LIPA: variants seen among roughly 807,000 people sequenced by gnomAD.
The protein encoded by LIPA is lysosomal acid lipase/cholesteryl ester hydrolase.
LIPA carries 26 observed loss-of-function variants against 40.6 expected under a neutral mutation model. That is an observed-to-expected ratio of 0.64 (90% confidence interval 0.47 to 0.89). LIPA has a LOEUF of 0.89. LIPA is among the 40% of genes least tolerant of loss of function. LIPA has a pLI of 0.00. For missense variants in LIPA, 455 were observed against 479.6 expected, an observed-to-expected ratio of 0.95 and a Z score of 0.48; for synonymous variants, 188 against 168.4, an observed-to-expected ratio of 1.12 and a Z score of -0.90.
intron 2 of LIPA, among the ~76,000 whole-genome samples, chr10:89,392,030 C>T (rs917337217): frequency 1.3e-5 from 2 of 152,104 alleles, no homozygotes; most frequent in Admixed American, 6.5e-5. Flanking sequence ...AACCATACCT[C>T]CTTGCTTTTA....
chr10:89,402,751 G>C (rs139017158), intron 2 of LIPA: 2 of 1,614,078 alleles, frequency 1.2e-6, no homozygotes, highest in Non-Finnish European at 1.7e-6. Context: ...AATTATGAAC[G>C]GGCCAAGGCC....
At chr10:89,267,650 A>G (rs2133490557) in intron 1 of LIPA, among the ~76,000 whole-genome samples, 1 of 149,886 alleles carries the variant, frequency 6.7e-6, no homozygotes, top group East Asian at 2.0e-4. Context: ...TAGTGGGTGC[A>G]GCGCACCAGC....
At chr10:89,347,687 A>G (rs1203939713), upstream of LIPA, among the ~76,000 whole-genome samples, 1 of 152,214 alleles carries the variant, frequency 6.6e-6, no homozygotes, top group Non-Finnish European at 1.5e-5. Flanking sequence ...TAGCCAGCTT[A>G]AACAAATCTG....
At chr10:89,313,391 CTCTTGAGA>C (rs112669599) in intron 1 of LIPA, among the ~76,000 whole-genome samples, 2 of 152,298 alleles carry the variant, frequency 1.3e-5, no homozygotes, top group African/African-American at 4.8e-5. Flanking sequence ...AGTAACTCAT[CTCTTGAGA>C]TCTCAGATAA....
At chr10:89,336,893 A>G (rs988843365) in intron 1 of LIPA, among the ~76,000 whole-genome samples, 1 of 152,246 alleles carries the variant, frequency 6.6e-6, no homozygotes, top group African/African-American at 2.4e-5. Context: ...AGTGAGGGAC[A>G]TACAGCCCAA....
At chr10:89,311,264 T>C (rs1843513777) in intron 1 of LIPA, among the ~76,000 whole-genome samples, 1 of 152,076 alleles carries the variant, frequency 6.6e-6, no homozygotes, top group African/African-American at 2.4e-5. Flanking sequence ...GGCTCAAGCC[T>C]AAAATCCCAG....
chr10:89,351,419 A>T (rs145561443), intron 2 of LIPA, among the ~76,000 whole-genome samples: 4 of 152,248 alleles, frequency 2.6e-5, no homozygotes, highest in Non-Finnish European at 5.9e-5. Flanking sequence ...GAAAAATCCA[A>T]ATAGTCCAGA....
chr10:89,322,380 A>G (rs1843576651), intron 1 of LIPA, among the ~76,000 whole-genome samples: 1 of 152,048 alleles, frequency 6.6e-6, no homozygotes, highest in Non-Finnish European at 1.5e-5. Context: ...TCAAGATGTA[A>G]GGGGATTACA....
At chr10:89,251,924 C>T (rs1332327), upstream of LIPA, 39,062 of 153,484 alleles carry the variant, frequency 0.25, 5,686 homozygotes, top group South Asian at 0.41. Context: ...GACTCCGCCC[C>T]AGACCAGCGC....
At chr10:89,241,841 C>A (rs1219113646) in intron 3 of LIPA, among the ~76,000 whole-genome samples, 6 of 152,110 alleles carry the variant, frequency 3.9e-5, no homozygotes, top group Non-Finnish European at 2.9e-5. Context: ...CCTATCATGG[C>A]ATCAACTTGG....
intron 2 of LIPA, among the ~76,000 whole-genome samples, chr10:89,380,609 T>C (rs762039735): frequency 1.1e-4 from 16 of 152,082 alleles, no homozygotes; most frequent in Non-Finnish European, 1.8e-4. Flanking sequence ...AATTTTTGTA[T>C]TTTTTGAGAG....
rs984682923 is a variant in LIPA, at chr10:89,388,830, G to C, written c.61+23961C>G. 4.0e-5 allele frequency among the ~76,000 whole-genome samples: 6 copies of C among 151,764 alleles called. No individual in the cohort carries two copies. The East Asian group carries it at 7.7e-4, about 19-fold the overall frequency. Reference sequence around the variant, plus strand: ...AAAAAATGAGCTAATAAAAATTCTAGTAGTACTTGAATAGGTTGCAGTAAA... The same window carrying C: ...AAAAAATGAGCTAATAAAAATTCTACTAGTACTTGAATAGGTTGCAGTAAA... On this transcript the variant is annotated intron_variant, in intron 2 of 8. Coordinates refer to the LIPA transcript ENST00000371837.
At chr10:89,390,096 C>T (rs1844235403) in intron 2 of LIPA, among the ~76,000 whole-genome samples, 1 of 150,622 alleles carries the variant, frequency 6.6e-6, no homozygotes, top group Admixed American at 6.7e-5. Flanking sequence ...AAGCGATTCT[C>T]CTGCCTCAGC....
intron 2 of LIPA, among the ~76,000 whole-genome samples, chr10:89,362,076 G>A (rs1238371249): frequency 6.6e-6 from 1 of 150,968 alleles, no homozygotes; most frequent in Non-Finnish European, 1.5e-5. Flanking sequence ...AATTTTTTTT[G>A]CATTTTTTGT....
intron 3 of LIPA, among the ~76,000 whole-genome samples, chr10:89,240,344 C>T (rs1842951043): frequency 6.6e-6 from 1 of 152,098 alleles, no homozygotes; most frequent in South Asian, 2.1e-4. Flanking sequence ...GCCTGTTATC[C>T]CAGCCCTTTG....
chr10:89,390,382 C>A (rs183373075), intron 2 of LIPA, among the ~76,000 whole-genome samples: 1 of 152,262 alleles, frequency 6.6e-6, no homozygotes, highest in Non-Finnish European at 1.5e-5. Context: ...TTGAGATTTA[C>A]CTGGCTGATT....
At chr10:89,347,861 A>C (rs1167009510) in intron 2 of LIPA, among the ~76,000 whole-genome samples, 2 of 152,174 alleles carry the variant, frequency 1.3e-5, no homozygotes, top group East Asian at 3.8e-4. Context: ...GTACACACAG[A>C]CACAAAGCAC....
chr10:89,221,367 A>G (rs745631547), intron 8 of LIPA, among the ~76,000 whole-genome samples: 7 of 152,206 alleles, frequency 4.6e-5, no homozygotes, highest in Non-Finnish European at 8.8e-5. Flanking sequence ...AAAATAAAAT[A>G]AAACGAAAAA....
intron 8 of LIPA, among the ~76,000 whole-genome samples, chr10:89,218,489 A>G (rs1413951859): frequency 6.6e-6 from 1 of 152,246 alleles, no homozygotes; most frequent in Non-Finnish European, 1.5e-5. Context: ...TTTCAGTAAC[A>G]GAATCCCTAA....
Sources: gnomAD v4.1 joint callset for allele counts (sites outside exome capture counted in the v4.1 genomes callset) on GRCh38, gnomAD v4.1.1 for gene constraint, MANE v1.5 for transcripts, NCBI Gene and HGNC (gene_info 2026-07-23, HGNC 2026-07-21) for gene names.